The following ELMO1 variants were observed in gnomAD, a reference collection of about 807,000 sequenced individuals.
ELMO1 encodes the protein engulfment and cell motility protein 1.
Under a neutral mutation model 98.9 loss-of-function variants are expected in ELMO1, and 26 were observed. The observed-to-expected ratio is 0.26, with a 90% CI of 0.19 to 0.36. The LOEUF (loss-of-function observed/expected upper bound fraction) is 0.36, where lower values mean the gene tolerates loss of function less well. Among genes scored for constraint, ELMO1 ranks in the 10% least tolerant of loss-of-function variants. The pLI is 1.00. For missense variants in ELMO1, 627 were observed against 935.2 expected, an observed-to-expected ratio of 0.67 and a Z score of 4.30; for synonymous variants, 346 against 346.0, an observed-to-expected ratio of 1.00 and a Z score of 0.00.
chr7:37,391,058 TCCTC>T (rs1183088140), intron 1 of ELMO1, among the ~76,000 whole-genome samples: 172 of 103,778 alleles, frequency 1.7e-3, no homozygotes, highest in African/African-American at 6.2e-3. Context: ...CTTCCTTCCT[TCCTC>T]CCTCCCTCCC....
rs558199987 is a variant in ELMO1, at chr7:36,853,998, C to G, written c.*1553G>C. Among the ~76,000 whole-genome samples the G allele has an allele frequency of 6.6e-6, 1 of 152,116 alleles. No homozygotes were observed. The highest frequency in any genetic ancestry group is 1.5e-5 in the Non-Finnish European group (1 of 68,030). On this transcript the variant is annotated 3_prime_UTR_variant, in exon 22 of 22. Coordinates refer to ENST00000310758, the MANE Select transcript of ELMO1 (RefSeq NM_014800.11). ...ATGTGCTCCCTCAAAGTTGTGATGTCTTTAATTAGACCCATTCTATAAATT... is the reference window on the plus strand; with the variant it reads ...ATGTGCTCCCTCAAAGTTGTGATGTGTTTAATTAGACCCATTCTATAAATT...
At chr7:36,962,245 G>A (rs1290751347) in intron 16 of ELMO1, among the ~76,000 whole-genome samples, 1 of 152,224 alleles carries the variant, frequency 6.6e-6, no homozygotes, top group Non-Finnish European at 1.5e-5. Context: ...GAAGTTTAAA[G>A]AATACTGATT....
chr7:36,980,327 T>C (rs1790936782), intron 16 of ELMO1, among the ~76,000 whole-genome samples: 1 of 152,242 alleles, frequency 6.6e-6, no homozygotes, highest in Admixed American at 6.5e-5. Flanking sequence ...GACTTAGTGC[T>C]GTGTTAAGAA....
At position 37,406,656 on chromosome 7, in the gene ELMO1, A is replaced by T. The variant is rs79109284; in HGVS notation, c.-74+42019T>A. 1.1e-4 allele frequency among the ~76,000 whole-genome samples: 16 copies of T among 151,608 alleles called. No homozygotes were observed. In the East Asian group the frequency reaches 1.4e-3, roughly 13 times the overall value. On this transcript the variant is annotated intron_variant, in intron 1 of 21. Coordinates refer to ENST00000310758, the MANE Select transcript of ELMO1 (RefSeq NM_014800.11). ...GAGGGGTTTCACCGTGTTAGGCAGG[A>T]TGGTCTCGAACTCCTGACCTTGTGA...
intron 15 of ELMO1, 150 bp from the exon 16 acceptor site, chr7:37,013,585 C>G: frequency 2.3e-6 from 2 of 860,396 alleles, no homozygotes; most frequent in South Asian, 3.6e-5. Flanking sequence ...AAAAAGCAAC[C>G]AAAGGATGGC....
rs375236709 is a variant in ELMO1 at position 37,433,053 on chromosome 7, G to C, written c.-74+15622C>G. ...TGTTGCCTCCTAGGGTTAGGGCATT[G>C]CATGGCCGTGTGCCTCTCCAACACC... On this transcript the variant is annotated intron_variant, in intron 1 of 21. Coordinates refer to ENST00000310758, the MANE Select transcript of ELMO1 (RefSeq NM_014800.11). Among the ~76,000 whole-genome samples, 385 of 152,314 alleles carry C rather than the reference G, an allele frequency of 2.5e-3. 2 individuals are homozygous for C. Among genetic ancestry groups the C allele is most frequent in the South Asian group, 9.7e-3 (47 of 4,824 alleles).
chr7:37,062,763 T>A (rs2129215293), intron 15 of ELMO1, among the ~76,000 whole-genome samples: 1 of 152,286 alleles, frequency 6.6e-6, no homozygotes, highest in East Asian at 1.9e-4. Flanking sequence ...ACTTAGAACA[T>A]GAGGAAACAC....
At chr7:37,401,381 T>C (rs1018443713) in intron 1 of ELMO1, among the ~76,000 whole-genome samples, 1 of 152,174 alleles carries the variant, frequency 6.6e-6, no homozygotes, top group South Asian at 2.1e-4. Context: ...ACCCCTTTTC[T>C]CCTAAAGCAG....
chr7:36,999,949 T>C (rs1024126103), intron 16 of ELMO1, among the ~76,000 whole-genome samples: 1 of 152,164 alleles, frequency 6.6e-6, no homozygotes, highest in Admixed American at 6.5e-5. Context: ...CCAAAAAACA[T>C]TGATTATCTT....
At chr7:37,156,985 C>T (rs1788817057) in intron 13 of ELMO1, among the ~76,000 whole-genome samples, 1 of 152,210 alleles carries the variant, frequency 6.6e-6, no homozygotes, top group South Asian at 2.1e-4. Flanking sequence ...AAGTCTTCTT[C>T]ATCCCTGGGA....
At chr7:36,997,089 A>G (rs965372903) in intron 16 of ELMO1, among the ~76,000 whole-genome samples, 10 of 152,136 alleles carry the variant, frequency 6.6e-5, no homozygotes, top group African/African-American at 1.9e-4. Context: ...AGGAAGACCA[A>G]TTAAAAAACA....
intron 16 of ELMO1, among the ~76,000 whole-genome samples, chr7:36,896,529 A>G (rs1806011921): frequency 6.6e-6 from 1 of 152,230 alleles, no homozygotes; most frequent in Non-Finnish European, 1.5e-5. Context: ...ATAGACAGAT[A>G]ATCTGGAACA....
intron 16 of ELMO1, among the ~76,000 whole-genome samples, chr7:36,899,700 T>A (rs1381198159): frequency 7.0e-6 from 1 of 143,650 alleles, no homozygotes; most frequent in African/African-American, 2.6e-5. Flanking sequence ...TTTTTTTTTT[T>A]ACCACTCCTA....
intron 1 of ELMO1, among the ~76,000 whole-genome samples, chr7:37,363,788 G>A (rs1801790675): frequency 6.6e-6 from 1 of 152,128 alleles, no homozygotes; most frequent in Non-Finnish European, 1.5e-5. Flanking sequence ...GAAATCACGT[G>A]ACCATAAGAT....
At chr7:37,027,076 C>T (rs1047032611) in intron 15 of ELMO1, among the ~76,000 whole-genome samples, 1 of 152,128 alleles carries the variant, frequency 6.6e-6, no homozygotes, top group African/African-American at 2.4e-5. Context: ...ACACACAGCA[C>T]TCTGGAAGGC....
chr7:37,267,452 G>A (rs1012763292), intron 5 of ELMO1, among the ~76,000 whole-genome samples: 60 of 152,238 alleles, frequency 3.9e-4, no homozygotes, highest in Non-Finnish European at 6.8e-4. Context: ...GCGCGCACGC[G>A]TGTGTGTGTG....
chr7:37,353,628 GA>G, intron 1 of ELMO1: 1 of 152,284 alleles, frequency 6.6e-6, no homozygotes, highest in East Asian at 1.9e-4. Context: ...CGTGGAAGGG[GA>G]CCCAGGTTGC....
chr7:37,050,642 AC>A (rs1796052918), intron 15 of ELMO1, among the ~76,000 whole-genome samples: 3 of 151,366 alleles, frequency 2.0e-5, no homozygotes, highest in Non-Finnish European at 1.5e-5. Context: ...ACACACACAC[AC>A]ACACACACAC....
intron 16 of ELMO1, among the ~76,000 whole-genome samples, chr7:36,897,711 C>T (rs117069481): frequency 0.013 from 2,048 of 152,272 alleles, 19 homozygotes; most frequent in Non-Finnish European, 0.021. Flanking sequence ...CTCTTTAACT[C>T]CTATTTATAG....
Sources: gnomAD v4.1 joint callset for allele counts (sites outside exome capture counted in the v4.1 genomes callset) on GRCh38, gnomAD v4.1.1 for gene constraint, MANE v1.5 for transcripts, NCBI Gene and HGNC (gene_info 2026-07-23, HGNC 2026-07-21) for gene names.